AP2B1: variants seen among roughly 807,000 people sequenced by gnomAD.
AP2B1 encodes AP-2 complex subunit beta.
In AP2B1, 23 loss-of-function variants were observed where a neutral mutation model predicts 102.0. The observed-to-expected ratio is 0.23, with a 90% CI of 0.16 to 0.32. The LOEUF (loss-of-function observed/expected upper bound fraction) is 0.32. Among genes scored for constraint, AP2B1 ranks in the 10% least tolerant of loss-of-function variants. The pLI, the probability that AP2B1 is intolerant of heterozygous loss-of-function variation, is 1.00. For synonymous variants in AP2B1, 381 were observed against 421.2 expected, an observed-to-expected ratio of 0.90 and a Z score of 1.17; for missense variants, 541 against 1,157.4, an observed-to-expected ratio of 0.47 and a Z score of 7.73.
In AP2B1 at chr17:35,670,882, T is replaced by G; in HGVS notation, c.2015T>G (p.Ile672Ser). The G allele has an allele frequency of 6.2e-7, 1 of 1,614,040 alleles. No individual in the cohort carries two copies. Among genetic ancestry groups the G allele is most frequent in the Non-Finnish European group, 8.5e-7 (1 of 1,180,004 alleles). Reference sequence around the variant, plus strand: ...CTTGGCAGTGACCTTGGCGGGGGCATTGGAGGAAGTCCGGCAGTAAGTGCC... The same window carrying G: ...CTTGGCAGTGACCTTGGCGGGGGCAGTGGAGGAAGTCCGGCAGTAAGTGCC... Reference protein sequence around the residue: ...SLLGSDLGGGIGGSPAVGQSF... With the variant: ...SLLGSDLGGGSGGSPAVGQSF... The change falls in exon 15 of 22, where the codon ATT (isoleucine) becomes AGT (serine). Residue 672 changes from isoleucine (I) to serine (S), a missense_variant. By Grantham distance (142) the Ile-to-Ser change is moderately radical. Transcript: ENST00000610402.
chr17:35,686,850 C>G (rs2075944462), intron 18 of AP2B1, among the ~76,000 whole-genome samples: 2 of 152,156 alleles, frequency 1.3e-5, no homozygotes, highest in African/African-American at 2.4e-5. Context: ...CCTGTAGTCC[C>G]AGCTAATTGG....
intron 11 of AP2B1, among the ~76,000 whole-genome samples, chr17:35,641,149 G>T (rs1411058498): frequency 5.3e-5 from 8 of 152,206 alleles, no homozygotes; most frequent in Non-Finnish European, 1.5e-5. Flanking sequence ...TAATTCTACT[G>T]TCTTGGCTCT....
chr17:35,639,606 T>C lies in AP2B1; in HGVS notation c.1283T>C (p.Ile428Thr). ...TTTTTTTTCATCAGGTATGAAAGTATCATCGCCACTCTGTGTGAGAACTTA... is the reference window on the plus strand; with the variant it reads ...TTTTTTTTCATCAGGTATGAAAGTACCATCGCCACTCTGTGTGAGAACTTA... ...FRKYPNKYES[I>T]IATLCENLDS... Residue 428 changes from isoleucine to threonine, a missense_variant, in exon 11 of 22, where the codon ATC becomes ACC. Physicochemically the swap from Ile to Thr is moderately conservative, Grantham distance 89. Around this residue, in one of 10 missense-constraint regions of AP2B1, gnomAD observed 106 missense variants for 296.4 expected, o/e 0.36. Coordinates refer to ENST00000610402, the MANE Select transcript of AP2B1 (RefSeq NM_001030006.2). 6.2e-7 allele frequency: 1 copy of C among 1,611,216 alleles called. No individual in the cohort carries two copies. Among genetic ancestry groups the C allele is most frequent in the Non-Finnish European group, 8.5e-7 (1 of 1,179,138 alleles).
At chr17:35,627,540 T>A in intron 8 of AP2B1, 35 bp downstream of exon 8, 12 of 1,613,878 alleles carry the variant, frequency 7.4e-6, no homozygotes, top group Non-Finnish European at 1.0e-5. Flanking sequence ...TGATGATGAT[T>A]TAGCTCTTAA....
chr17:35,673,903 C>T (rs2075643791), intron 16 of AP2B1, among the ~76,000 whole-genome samples: 1 of 152,134 alleles, frequency 6.6e-6, no homozygotes, highest in African/African-American at 2.4e-5. Context: ...GAAGGTAGAG[C>T]AGAAGCCAGG....
intron 5 of AP2B1, 116 bp from the exon 6 acceptor site, chr17:35,624,281 G>T (rs2074258989): frequency 3.3e-6 from 3 of 916,380 alleles, no homozygotes; most frequent in Non-Finnish European, 5.1e-6. Flanking sequence ...TAGGTAAAAT[G>T]TTCAGGAATG....
At position 35,723,749 on chromosome 17, in the gene AP2B1, G is replaced by A. The variant is rs1383482835; in HGVS notation, c.*50G>A. 2 of 1,347,894 alleles carry A rather than the reference G, an allele frequency of 1.5e-6. No homozygotes were observed. Among genetic ancestry groups the A allele is most frequent in the African/African-American group, 1.4e-5 (1 of 69,428 alleles). 83.5% of individuals were successfully genotyped at this position (1,347,894 alleles called of 1,614,324 possible). A position where few individuals can be genotyped will look rare whatever the true frequency, so the allele number is the denominator to read the frequency against. On this transcript the variant is annotated 3_prime_UTR_variant, in exon 22 of 22. Transcript: ENST00000610402. ...CCATGCTGTGATCGGTGCAAGTCAAGAACTCTTAACTGGAAGAAATTGTAT... is the reference window on the plus strand; with the variant it reads ...CCATGCTGTGATCGGTGCAAGTCAAAAACTCTTAACTGGAAGAAATTGTAT...
chr17:35,610,362 G>A lies in AP2B1; in HGVS notation c.525+1975G>A, dbSNP rs547410516. On this transcript the variant is annotated intron_variant, in intron 5 of 21. Transcript: ENST00000610402. Reference sequence around the variant, plus strand: ...GACGTTGCACCATGTTGGCCAGGCTGGTCTCAAACTCTTGACTCAGGTGAT... The same window carrying A: ...GACGTTGCACCATGTTGGCCAGGCTAGTCTCAAACTCTTGACTCAGGTGAT... Among the ~76,000 whole-genome samples, 38 of 152,000 alleles carry A rather than the reference G, an allele frequency of 2.5e-4. 1 individual carries two copies. The highest frequency in any genetic ancestry group is 9.2e-4 in the African/African-American group (38 of 41,480).
intron 21 of AP2B1, among the ~76,000 whole-genome samples, chr17:35,721,813 C>T (rs1227150876): frequency 6.6e-6 from 1 of 152,188 alleles, no homozygotes; most frequent in Non-Finnish European, 1.5e-5. Flanking sequence ...TCTCCTTAGT[C>T]TGGGAGTTAA....
Position 35,641,974 on chromosome 17 carries a change from A to G in AP2B1, c.1535A>G (p.Gln512Arg). 1.9e-6 allele frequency: 3 copies of G among 1,608,548 alleles called. No homozygotes were observed. The highest frequency in any genetic ancestry group is 1.7e-5 in the Admixed American group (1 of 59,818). The change falls in exon 12 of 22, where the codon CAG becomes CGG. Residue 512 changes from glutamine to arginine, a missense_variant and splice_region_variant. Gln to Arg is a conservative substitution (Grantham distance 43, BLOSUM62 1). This residue lies in a region of AP2B1 where 106 missense variants were observed against 296.4 expected (regional missense o/e 0.36). Coordinates refer to ENST00000610402, the MANE Select transcript of AP2B1 (RefSeq NM_001030006.2). ...LVQQVLSLAT[Q>R]DSDNPDLRDR... ...CAGCAGGTCTTGAGTTTGGCAACAC[A>G]GGTAAGAAATCTGGAAAAAGCAAGA...
At chr17:35,646,017 G>C (rs1171696277) in intron 12 of AP2B1, among the ~76,000 whole-genome samples, 1 of 152,212 alleles carries the variant, frequency 6.6e-6, no homozygotes. Context: ...CCCTACTTTT[G>C]ATGTAATGAA....
At chr17:35,682,894 TA>T in intron 18 of AP2B1, 70 bp downstream of exon 18, 1 of 1,415,054 alleles carries the variant, frequency 7.1e-7, no homozygotes. Flanking sequence ...TTATTATTTT[TA>T]AAGACACAGT....
At chr17:35,629,574 C>T (rs761983817) in intron 9 of AP2B1, among the ~76,000 whole-genome samples, 1 of 151,998 alleles carries the variant, frequency 6.6e-6, no homozygotes, top group Non-Finnish European at 1.5e-5. Context: ...ATTTAATTAT[C>T]GGATATTTTT....
intron 14 of AP2B1, among the ~76,000 whole-genome samples, chr17:35,662,048 C>G (rs763264155): frequency 2.6e-5 from 4 of 152,160 alleles, no homozygotes; most frequent in African/African-American, 4.8e-5. Flanking sequence ...TGTGGCCTTC[C>G]TCCATCAATA....
chr17:35,629,906 C>T (rs1296631245), intron 9 of AP2B1, among the ~76,000 whole-genome samples: 4 of 152,120 alleles, frequency 2.6e-5, no homozygotes, highest in Non-Finnish European at 5.9e-5. Flanking sequence ...ATTTGTTTGT[C>T]CTCATTCAGA....
chr17:35,628,240 G>A (rs964240749), intron 9 of AP2B1, among the ~76,000 whole-genome samples: 2 of 152,098 alleles, frequency 1.3e-5, no homozygotes, highest in Non-Finnish European at 2.9e-5. Flanking sequence ...ATGGATTTTG[G>A]TATCCACAGG....
intron 16 of AP2B1, 24 bp from the exon 17 acceptor site, chr17:35,674,152 A>G (rs962287190): frequency 1.9e-6 from 3 of 1,603,764 alleles, no homozygotes; most frequent in African/African-American, 1.3e-5. Flanking sequence ...GTCTGATTCT[A>G]TTGAGCTTTA....
At chr17:35,634,526 A>C (rs2074552496) in intron 9 of AP2B1, among the ~76,000 whole-genome samples, 1 of 152,116 alleles carries the variant, frequency 6.6e-6, no homozygotes, top group Non-Finnish European at 1.5e-5. Flanking sequence ...GATCACTTAT[A>C]GTTTCTGTAC....
chr17:35,657,234 T>A (rs1188857641), intron 13 of AP2B1, among the ~76,000 whole-genome samples: 1 of 152,218 alleles, frequency 6.6e-6, no homozygotes, highest in African/African-American at 2.4e-5. Context: ...AAATGCTGAT[T>A]TTTTTGTTGG....
Sources: gnomAD v4.1 joint callset for allele counts (sites outside exome capture counted in the v4.1 genomes callset) on GRCh38, gnomAD v4.1.1 for gene constraint, gnomAD v4.1.1 regional missense constraint, MANE v1.5 for transcripts, NCBI Gene and HGNC (gene_info 2026-07-23, HGNC 2026-07-21) for gene names.